AQP1: variants seen among roughly 807,000 people sequenced by gnomAD.
AQP1 encodes aquaporin 1 (Colton blood group).
In AQP1, 11 loss-of-function variants were observed where a neutral mutation model predicts 19.7. The observed-to-expected ratio is 0.56, with a 90% confidence interval of 0.35 to 0.92. The LOEUF is 0.92. Among genes scored for constraint, AQP1 ranks in the 40% least tolerant of loss-of-function variants. The pLI is 0.01. For synonymous variants in AQP1, 159 were observed against 166.7 expected, an observed-to-expected ratio of 0.95 and a Z score of 0.36; for missense variants, 320 against 369.7, an observed-to-expected ratio of 0.87 and a Z score of 1.10.
At chr7:30,921,558 C>G (rs745336730) in intron 1 of AQP1, 2 of 1,541,560 alleles carry the variant, frequency 1.3e-6, no homozygotes, top group South Asian at 1.2e-5. Context: ...AGGACCTCAC[C>G]GAAGGCCTCC....
chr7:30,923,423 C>G lies in AQP1; in HGVS notation c.631-27C>G, dbSNP rs755937705. On this transcript the variant is annotated intron_variant, in intron 3 of 3. Coordinates refer to ENST00000311813, the MANE Select transcript of AQP1 (RefSeq NM_198098.4). The surrounding 1 kb of genome is among the most constrained non-coding windows in gnomAD (Gnocchi z 4.8). The stretch of plus-strand genomic sequence containing the variant: ...TTCCCAGGGGCTTTTGAGTGGAGCC[C>G]TCTGAACACACCTGCTCTGTTCCTA... 9.3e-6 allele frequency: 15 copies of G among 1,613,380 alleles called. No homozygotes were observed. Among genetic ancestry groups the G allele is most frequent in the Non-Finnish European group, 8.5e-6 (10 of 1,179,914 alleles).
At chr7:30,921,176 A>G in intron 1 of AQP1, 5 of 751,414 alleles carry the variant, frequency 6.7e-6, no homozygotes, top group Non-Finnish European at 8.3e-6. Context: ...TGGGACGGCC[A>G]CAAAGCATAG....
chr7:30,916,874 A>G (rs10276670), intron 1 of AQP1, among the ~76,000 whole-genome samples: 42,803 of 151,548 alleles, frequency 0.28, 7,355 homozygotes, highest in African/African-American at 0.48. Flanking sequence ...CTTTCTGGTG[A>G]GGAGGCTGCT....
intron 1 of AQP1, among the ~76,000 whole-genome samples, chr7:30,914,503 G>A (rs1468471877): frequency 1.3e-5 from 2 of 152,202 alleles, no homozygotes; most frequent in African/African-American, 4.8e-5. Flanking sequence ...GCGCTGTCCT[G>A]TCCCAACAGT....
At chr7:30,921,510 G>A (rs1791498646) in intron 1 of AQP1, 3 of 1,504,252 alleles carry the variant, frequency 2.0e-6, no homozygotes, top group South Asian at 2.6e-5. Flanking sequence ...AGACAATAGG[G>A]AGGCAGGCAC....
In AQP1 at chr7:30,912,976, GTGTGCA is replaced by G. The variant is rs891429563; in HGVS notation, c.384+689_384+694del. On this transcript the variant is annotated intron_variant, in intron 1 of 3. Coordinates refer to ENST00000311813, the MANE Select transcript of AQP1 (RefSeq NM_198098.4). The surrounding 1 kb of genome is among the most constrained non-coding windows in gnomAD (Gnocchi z 4.3). ...CTAGGCACTGAGAGGTGTGGCGTGT[GTGTGCA>G]TGTGCGTGTGCGTGTGTGTGTGTGA... Among the ~76,000 whole-genome samples the G allele has an allele frequency of 7.2e-5, 11 of 152,166 alleles. No homozygotes were observed. Among genetic ancestry groups the G allele is most frequent in the Admixed American group, 2.0e-4 (3 of 15,286 alleles).
At chr7:30,922,412 G>A in intron 2 of AQP1, 152 bp from the exon 3 acceptor site, 1 of 1,270,116 alleles carries the variant, frequency 7.9e-7, no homozygotes, top group Non-Finnish European at 1.1e-6. Context: ...GGGACCTCCT[G>A]CCCAGCTTGG....
At chr7:30,918,274 G>A (rs906614566) in intron 1 of AQP1, among the ~76,000 whole-genome samples, 1 of 152,200 alleles carries the variant, frequency 6.6e-6, no homozygotes, top group Non-Finnish European at 1.5e-5. Flanking sequence ...TTACAGGCGT[G>A]AGCCACCGCG....
At position 30,922,138 on chromosome 7, in the gene AQP1, G is replaced by T; in HGVS notation, c.457G>T (p.Val153Leu). 6.2e-7 allele frequency: 1 copy of T among 1,614,018 alleles called. No homozygotes were observed. The highest frequency in any genetic ancestry group is 8.5e-7 in the Non-Finnish European group (1 of 1,180,016). ...IIGTLQLVLC[V>L]LATTDRRRRD... Reference sequence around the variant, plus strand: ...CGGGACCCTCCAGCTGGTGCTATGCGTGCTGGCTACTACCGACCGGAGGCG... The same window carrying T: ...CGGGACCCTCCAGCTGGTGCTATGCTTGCTGGCTACTACCGACCGGAGGCG... The change falls in exon 2 of 4, where the codon GTG (valine) becomes TTG (leucine). Residue 153 changes from valine (V) to leucine (L), a missense_variant. Val to Leu is a conservative substitution (Grantham distance 32, BLOSUM62 1). Coordinates refer to ENST00000311813, the MANE Select transcript of AQP1 (RefSeq NM_198098.4).
In AQP1 at chr7:30,922,658, G is replaced by A. The variant is rs375659153; in HGVS notation, c.630+14G>A. 107 of 1,610,134 alleles carry A rather than the reference G, an allele frequency of 6.6e-5. 1 individual carries two copies. The South Asian group carries it at 9.7e-4, about 15-fold the overall frequency. On this transcript the variant is annotated intron_variant, in intron 3 of 3. Coordinates refer to ENST00000311813, the MANE Select transcript of AQP1 (RefSeq NM_198098.4). Reference sequence around the variant, plus strand: ...AGCAACCACTGGGTAGGAGACCCACGGGGGGTGGGGTGGGAAGCTTTGGTG... The same window carrying A: ...AGCAACCACTGGGTAGGAGACCCACAGGGGGTGGGGTGGGAAGCTTTGGTG...
At chr7:30,915,425 A>G (rs1321982423) in intron 1 of AQP1, among the ~76,000 whole-genome samples, 2 of 152,198 alleles carry the variant, frequency 1.3e-5, no homozygotes, top group Non-Finnish European at 2.9e-5. Context: ...GAGGTTTCGT[A>G]GGAGCCTGAA....
rs1791545067 is a variant in AQP1 at position 30,922,485 on chromosome 7, C to T, written c.550-79C>T. 3.4e-6 allele frequency: 5 copies of T among 1,452,204 alleles called. No individual in the cohort carries two copies. The Admixed American group carries it at 6.7e-5, about 19-fold the overall frequency. The allele number at this position is 1,452,204 out of a possible 1,614,324, so 90.0% of individuals were successfully genotyped here. ...CACCCTGATTGTTCTCTTTCTCCCTCCAACCTCTCCCTCCTCTCACTCTCT... is the reference window on the plus strand; with the variant it reads ...CACCCTGATTGTTCTCTTTCTCCCTTCAACCTCTCCCTCCTCTCACTCTCT... On this transcript the variant is annotated intron_variant, in intron 2 of 3. Transcript: ENST00000311813.
chr7:30,921,281 T>C, intron 1 of AQP1: 2 of 1,264,814 alleles, frequency 1.6e-6, no homozygotes, highest in South Asian at 2.7e-5. Flanking sequence ...TTCCCTTCTC[T>C]TTCCATGAGT....
At chr7:30,915,523 T>C (rs28362708) in intron 1 of AQP1, among the ~76,000 whole-genome samples, 85 of 152,100 alleles carry the variant, frequency 5.6e-4, no homozygotes, top group African/African-American at 1.9e-3. Context: ...ACGGGAGTTG[T>C]TGGGTATGGT....
intron 1 of AQP1, among the ~76,000 whole-genome samples, chr7:30,914,196 G>C (rs1791252218): frequency 6.6e-6 from 1 of 152,210 alleles, no homozygotes; most frequent in Admixed American, 6.5e-5. Context: ...TACTTGGGCT[G>C]GGCGTGTTGC....
chr7:30,918,289 G>A (rs1412611031), intron 1 of AQP1, among the ~76,000 whole-genome samples: 1 of 152,180 alleles, frequency 6.6e-6, no homozygotes, highest in African/African-American at 2.4e-5. Flanking sequence ...ACCGCGCCTG[G>A]CCAGTTCTTT....
At chr7:30,922,306 C>G in intron 2 of AQP1, 76 bp downstream of exon 2, 4 of 1,512,970 alleles carry the variant, frequency 2.6e-6, no homozygotes, top group Non-Finnish European at 3.5e-6. Flanking sequence ...CCATGGGCAG[C>G]CAGTGGGACT....
intron 1 of AQP1, chr7:30,913,278 C>T (rs1290276537): frequency 2.0e-5 from 3 of 152,204 alleles, no homozygotes; most frequent in African/African-American, 7.2e-5. Flanking sequence ...CACGGCCTTT[C>T]CCAGCTCCTC....
intron 1 of AQP1, among the ~76,000 whole-genome samples, chr7:30,914,495 G>A (rs866069539): frequency 3.9e-5 from 6 of 152,198 alleles, no homozygotes; most frequent in African/African-American, 7.2e-5. Flanking sequence ...GGGCTCAGGC[G>A]CTGTCCTGTC....
Sources: allele counts gnomAD v4.1 joint callset (sites outside exome capture counted in the v4.1 genomes callset), GRCh38; gene constraint gnomAD v4.1.1; non-coding constraint Gnocchi (gnomAD v3.1); transcripts MANE v1.5; gene names NCBI Gene and HGNC (gene_info 2026-07-23, HGNC 2026-07-21).